GUCY1A2: variants seen among roughly 807,000 people sequenced by gnomAD.
The protein encoded by GUCY1A2 is guanylate cyclase soluble subunit alpha-2.
GUCY1A2 carries 27 observed loss-of-function variants against 63.5 expected under a neutral mutation model. The observed-to-expected ratio is 0.43, with a 90% CI of 0.31 to 0.59. GUCY1A2 has a LOEUF of 0.59. Ranked by LOEUF, GUCY1A2 falls within the 20% of genes least tolerant of loss-of-function variation. GUCY1A2 has a pLI of 0.11. For missense variants in GUCY1A2, 768 were observed against 913.3 expected (o/e 0.84, Z 2.05); for synonymous variants, 364 against 343.5 (o/e 1.06, Z -0.66).
chr11:106,867,328 T>G (rs1859608683), intron 4 of GUCY1A2, among the ~76,000 whole-genome samples: 1 of 152,108 alleles, frequency 6.6e-6, no homozygotes, highest in South Asian at 2.1e-4. Flanking sequence ...TCTACCATTC[T>G]GAAAACACCA....
Position 106,674,839 on chromosome 11 carries a change from C to T in GUCY1A2, c.*12710G>A. 4.6e-6 allele frequency: 1 copy of T among 217,096 alleles called. No homozygotes were observed. Among genetic ancestry groups the T allele is most frequent in the African/African-American group, 2.2e-5 (1 of 44,448 alleles). 13.4% of individuals were successfully genotyped at this position (217,096 alleles called of 1,614,324 possible). Reference sequence around the variant, plus strand: ...ATAATTCAGGTTAAATGAAAACCACCCCATGCAGAGGATGCTAATGAAGGC... The same window carrying T: ...ATAATTCAGGTTAAATGAAAACCACTCCATGCAGAGGATGCTAATGAAGGC... On this transcript the variant is annotated 3_prime_UTR_variant, in exon 8 of 8. Coordinates refer to ENST00000526355, the MANE Select transcript of GUCY1A2 (RefSeq NM_000855.3).
chr11:106,721,424 T>C (rs1003217989), intron 6 of GUCY1A2, among the ~76,000 whole-genome samples: 2 of 152,202 alleles, frequency 1.3e-5, no homozygotes, highest in African/African-American at 4.8e-5. Context: ...GGGACTGTTA[T>C]GTGAAATAAA....
chr11:106,714,379 A>AACTT (rs1257698823), intron 6 of GUCY1A2, among the ~76,000 whole-genome samples: 2 of 152,216 alleles, frequency 1.3e-5, no homozygotes, highest in African/African-American at 4.8e-5. Context: ...TACCACTGGA[A>AACTT]ACTTACAAGC....
intron 3 of GUCY1A2, among the ~76,000 whole-genome samples, chr11:106,944,898 G>A (rs1188275633): frequency 6.6e-6 from 1 of 151,994 alleles, no homozygotes. Flanking sequence ...ATAGTCCCTT[G>A]TAGTATTTTT....
In GUCY1A2 at chr11:107,017,964, AG is replaced by A; in HGVS notation, c.91del (p.Leu31CysfsTer67). 7.0e-7 allele frequency: 1 copy of A among 1,435,286 alleles called. No homozygotes were observed. Among genetic ancestry groups the A allele is most frequent in the Non-Finnish European group, 9.2e-7 (1 of 1,082,030 alleles). 88.9% of individuals were successfully genotyped at this position (1,435,286 alleles called of 1,614,324 possible). On this transcript the variant is annotated frameshift_variant, in exon 1 of 8. Coordinates refer to ENST00000526355, the MANE Select transcript of GUCY1A2 (RefSeq NM_000855.3). LOFTEE classifies it high-confidence loss of function. ...TSPEEEGECPLSRLCWNGSRS... is the reference protein window; with the variant it reads ...TSPEEEGECPXSRLCWNGSRS... ...GCTGCCATTCCAGCAGAGCCTAGACAGGGGGCACTCCCCCTCCTCCTCCGGG... is the reference window on the plus strand; with the variant it reads ...GCTGCCATTCCAGCAGAGCCTAGACAGGGGCACTCCCCCTCCTCCTCCGGG...
In GUCY1A2 at chr11:106,939,520, C is replaced by T. The variant is rs749325460; in HGVS notation, c.1146G>A (p.Leu382=). The change falls in exon 4 of 8, where the codon CTG becomes CTA. Residue 382 remains leucine, a synonymous_variant. Transcript: ENST00000526355. ...TGGTTCTAATCACAAACGGGGTAGA[C>T]AGTCGCAGCAGGACCCTTTCAAAGG... ...NATFERVLLR[L]STPFVIRTKP... is the part of the protein sequence containing the mutation. 4 of 1,613,062 alleles carry T rather than the reference C, an allele frequency of 2.5e-6. No homozygotes were observed. The highest frequency in any genetic ancestry group is 1.7e-5 in the Admixed American group (1 of 59,980).
chr11:107,004,908 T>C (rs2445097), intron 1 of GUCY1A2, among the ~76,000 whole-genome samples: 51,214 of 151,962 alleles, frequency 0.34, 9,480 homozygotes, highest in Admixed American at 0.48. Context: ...GAGTGCATCA[T>C]AGAACCATGA....
intron 6 of GUCY1A2, among the ~76,000 whole-genome samples, chr11:106,753,907 T>A (rs549728141): frequency 6.6e-6 from 1 of 152,346 alleles, no homozygotes; most frequent in Admixed American, 6.5e-5. Context: ...CAGTGGTAGC[T>A]TGATGGGGAT....
intron 4 of GUCY1A2, chr11:106,827,694 T>C: frequency 1.3e-6 from 2 of 1,545,866 alleles, no homozygotes; most frequent in Non-Finnish European, 1.8e-6. Flanking sequence ...TGATTGTTCT[T>C]CAACATCAAA....
chr11:106,849,159 T>A (rs1024397847), intron 4 of GUCY1A2, among the ~76,000 whole-genome samples: 1 of 151,534 alleles, frequency 6.6e-6, no homozygotes, highest in African/African-American at 2.4e-5. Flanking sequence ...CTCACATTAA[T>A]GTTCAACCCC....
chr11:106,844,504 C>G (rs1859245141), intron 4 of GUCY1A2, among the ~76,000 whole-genome samples: 1 of 151,710 alleles, frequency 6.6e-6, no homozygotes, highest in African/African-American at 2.4e-5. Flanking sequence ...GAAGCCCTGA[C>G]AAAGTTGGGT....
intron 4 of GUCY1A2, among the ~76,000 whole-genome samples, chr11:106,902,315 T>C (rs1326467763): frequency 6.6e-6 from 1 of 152,222 alleles, no homozygotes; most frequent in African/African-American, 2.4e-5. Context: ...TTGTTCTATT[T>C]ATAGTAGAGG....
At chr11:106,781,117 AAAAAAAAAAAAAAAAAG>A (rs1428156884) in intron 5 of GUCY1A2, among the ~76,000 whole-genome samples, 3 of 101,970 alleles carry the variant, frequency 2.9e-5, no homozygotes, top group African/African-American at 1.0e-4. Flanking sequence ...GACTACAAAA[AAAAAAAAAAAAAAAAAG>A]AAAAACTGTC....
At chr11:106,722,817 T>A (rs988993126) in intron 6 of GUCY1A2, among the ~76,000 whole-genome samples, 7 of 145,232 alleles carry the variant, frequency 4.8e-5, no homozygotes, top group African/African-American at 1.8e-4. Flanking sequence ...TGTGTGTGTG[T>A]GTTGCACACA....
intron 5 of GUCY1A2, among the ~76,000 whole-genome samples, chr11:106,803,627 A>G (rs1406801191): frequency 6.6e-6 from 1 of 152,204 alleles, no homozygotes; most frequent in Non-Finnish European, 1.5e-5. Flanking sequence ...ACTACCATGA[A>G]GGAGACACTG....
At chr11:106,863,630 G>C (rs960356074) in intron 4 of GUCY1A2, among the ~76,000 whole-genome samples, 3 of 150,554 alleles carry the variant, frequency 2.0e-5, no homozygotes, top group Non-Finnish European at 4.4e-5. Flanking sequence ...CTCTTTCTTG[G>C]TTCCATATGA....
chr11:106,944,215 CAAAAA>C (rs71041701), intron 3 of GUCY1A2, among the ~76,000 whole-genome samples: 248 of 21,578 alleles, frequency 0.011, 17 homozygotes, highest in African/African-American at 0.028. Context: ...ACCCTGTCTC[CAAAAA>C]AAAAAAAAAA....
chr11:106,901,224 A>G (rs1424841214), intron 4 of GUCY1A2, among the ~76,000 whole-genome samples: 1 of 152,174 alleles, frequency 6.6e-6, no homozygotes, highest in Non-Finnish European at 1.5e-5. Flanking sequence ...CATAAGAATC[A>G]ACTCCTCATA....
rs1393663121 is a variant in GUCY1A2 at position 106,674,028 on chromosome 11, G to A, written c.*13521C>T. On this transcript the variant is annotated 3_prime_UTR_variant, in exon 8 of 8. Coordinates refer to ENST00000526355, the MANE Select transcript of GUCY1A2 (RefSeq NM_000855.3). ...AAAAGAATGTTCAGACTCCTTTTTG[G>A]TATTATTTATTGATTTAAATATTTT... 5.8e-6 allele frequency: 1 copy of A among 173,082 alleles called. No homozygotes were observed. Among genetic ancestry groups the A allele is most frequent in the African/African-American group, 2.4e-5 (1 of 42,070 alleles). The allele number at this position is 173,082 out of a possible 1,614,324, so 10.7% of individuals were successfully genotyped here.
Sources: allele counts gnomAD v4.1 joint callset (sites outside exome capture counted in the v4.1 genomes callset), GRCh38; gene constraint gnomAD v4.1.1; transcripts MANE v1.5; gene names NCBI Gene and HGNC (gene_info 2026-07-23, HGNC 2026-07-21).